Variants in KCNIP2 observed in about 807,000 individuals in gnomAD.
KCNIP2 encodes the protein A-type potassium channel modulatory protein KCNIP2.
A neutral mutation model predicts 39.0 loss-of-function variants in KCNIP2; 19 were observed. The observed-to-expected ratio is 0.49, with a 90% confidence interval of 0.34 to 0.71. KCNIP2 has a LOEUF of 0.71. Ranked by LOEUF, KCNIP2 falls within the 30% of genes least tolerant of loss-of-function variation. KCNIP2 has a pLI of 0.01. For missense variants in KCNIP2, 261 were observed against 346.0 expected, an observed-to-expected ratio of 0.75 and a Z score of 1.95; for synonymous variants, 111 against 131.2, an observed-to-expected ratio of 0.85 and a Z score of 1.05.
intron 1 of KCNIP2, among the ~76,000 whole-genome samples, chr10:101,834,891 G>A (rs2066104716): frequency 6.6e-6 from 1 of 152,254 alleles, no homozygotes. Context: ...CAGTATGGCA[G>A]TGCATATGTC....
At chr10:101,831,210 T>G in intron 1 of KCNIP2, 43 bp from the exon 2 acceptor site, 1 of 1,399,498 alleles carries the variant, frequency 7.1e-7, no homozygotes, top group East Asian at 2.5e-5. Flanking sequence ...TAACTCCCAT[T>G]GTCCCTCTGT....
intron 1 of KCNIP2, among the ~76,000 whole-genome samples, chr10:101,841,039 C>T (rs752915260): frequency 6.6e-6 from 1 of 152,256 alleles, no homozygotes; most frequent in Non-Finnish European, 1.5e-5. Context: ...CCCAGCGGCC[C>T]CGCCGGGCTG....
rs2065864272 is a variant in KCNIP2 at position 101,829,089 on chromosome 10, G to A, written c.334C>T (p.Arg112Trp). The part of the protein sequence containing the change: ...FTRKELQVLY[R>W]GFKNECPSGI... Reference sequence around the variant, plus strand: ...CTTGCACTCACGTTCTTGAAGCCCCGGTACAGGACCTGCAACTCCTTGCGC... The same window carrying A: ...CTTGCACTCACGTTCTTGAAGCCCCAGTACAGGACCTGCAACTCCTTGCGC... The change falls in exon 4 of 10, where the codon CGG becomes TGG. Residue 112 changes from arginine (R) to tryptophan (W), a missense_variant. Coordinates refer to ENST00000356640, the MANE Select transcript of KCNIP2 (RefSeq NM_173191.3). 2.5e-6 allele frequency: 4 copies of A among 1,613,996 alleles called. No individual in the cohort carries two copies. Among genetic ancestry groups the A allele is most frequent in the Non-Finnish European group, 3.4e-6 (4 of 1,179,946 alleles).
intron 2 of KCNIP2, 141 bp from the exon 3 acceptor site, chr10:101,830,038 G>C (rs746326473): frequency 7.4e-6 from 7 of 947,732 alleles, no homozygotes; most frequent in Middle Eastern, 2.1e-4. Flanking sequence ...ACACGAAACG[G>C]ACCCCATGCA....
intron 1 of KCNIP2, among the ~76,000 whole-genome samples, chr10:101,841,302 G>C (rs2066331150): frequency 6.6e-6 from 1 of 152,204 alleles, no homozygotes. Context: ...CTGCAGGGAA[G>C]GGGAGGCGAA....
At chr10:101,839,881 C>A in intron 1 of KCNIP2, 8 of 1,542,224 alleles carry the variant, frequency 5.2e-6, no homozygotes, top group Non-Finnish European at 7.0e-6. Flanking sequence ...CACCCCCAGG[C>A]CCCGGGGCGG....
At position 101,829,874 on chromosome 10, in the gene KCNIP2, G is replaced by A; in HGVS notation, c.193C>T (p.Arg65Cys). ...SETLAAPASL[R>C]PHRPRLLDPD... ...TCCAGCAGGCGGGGTCTGTGGGGGC[G>A]GAGGGAGGCTGGGGCGGCTAATGCT... Residue 65 changes from arginine to cysteine, a missense_variant, in exon 3 of 10, where the codon CGC becomes TGC. Arg to Cys is a radical substitution (Grantham distance 180). Coordinates refer to ENST00000356640, the MANE Select transcript of KCNIP2 (RefSeq NM_173191.3). 6.6e-7 allele frequency: 1 copy of A among 1,504,690 alleles called. No homozygotes were observed. The highest frequency in any genetic ancestry group is 1.5e-5 in the African/African-American group (1 of 68,834). 93.2% of individuals were successfully genotyped at this position (1,504,690 alleles called of 1,614,324 possible).
Position 101,843,643 on chromosome 10 carries a change from GC to G in KCNIP2, c.-76del. On this transcript the variant is annotated 5_prime_UTR_variant, in exon 1 of 10. Transcript: ENST00000356640. This position sits in a 1 kb window ranked among gnomAD's most constrained non-coding sequence, Gnocchi z 6.7. ...GGCCGGGATAGGGCGCTCACACGGC[GC>G]CCCCTGGCGGCCTACTGTGCTGTCG... The G allele has an allele frequency of 6.1e-6, 5 of 815,430 alleles. No individual in the cohort carries two copies. The highest frequency in any genetic ancestry group is 3.7e-5 in the Admixed American group (1 of 26,976). The allele number at this position is 815,430 out of a possible 1,614,324, so 50.5% of individuals were successfully genotyped here.
Position 101,826,399 on chromosome 10 carries a change from G to A in KCNIP2, c.*954C>T, listed in dbSNP as rs1217164210. The stretch of plus-strand genomic sequence containing the variant: ...TCCCTCCTTCCCTCTCCCTTCTAAG[G>A]CATCCACTGTGGGGAGTGATAGGCC... On this transcript the variant is annotated 3_prime_UTR_variant, in exon 10 of 10. Coordinates refer to ENST00000356640, the MANE Select transcript of KCNIP2 (RefSeq NM_173191.3). The A allele has an allele frequency of 1.3e-5, 2 of 152,674 alleles. No individual in the cohort carries two copies. The highest frequency in any genetic ancestry group is 2.9e-5 in the Non-Finnish European group (2 of 68,140). 9.5% of individuals were successfully genotyped at this position (152,674 alleles called of 1,614,324 possible). A position where few individuals can be genotyped will look rare whatever the true frequency, so the allele number is the denominator to read the frequency against.
In KCNIP2 at chr10:101,830,333, G is replaced by T. The variant is rs2065923479; in HGVS notation, c.170-436C>A. 6.0e-6 allele frequency: 7 copies of T among 1,167,090 alleles called. No individual in the cohort carries two copies. The South Asian group carries it at 7.5e-5, about 13-fold the overall frequency. The allele number at this position is 1,167,090 out of a possible 1,614,324, so 72.3% of individuals were successfully genotyped here. A position where few individuals can be genotyped will look rare whatever the true frequency, so the allele number is the denominator to read the frequency against. Reference sequence around the variant, plus strand: ...AGGGCAGGCGCCATCCTCTACACCTGTCACCATCCTGTCGGGGCATAGGCA... The same window carrying T: ...AGGGCAGGCGCCATCCTCTACACCTTTCACCATCCTGTCGGGGCATAGGCA... On this transcript the variant is annotated intron_variant, in intron 2 of 9. Transcript: ENST00000356640.
chr10:101,843,611 GC>G lies in KCNIP2; in HGVS notation c.-44del. Reference sequence around the variant, plus strand: ...TCCCGCCCGGGCCGTGGGAGGGGGCGCCGGGTGGCCGGGATAGGGCGCTCAC... The same window carrying G: ...TCCCGCCCGGGCCGTGGGAGGGGGCGCGGGTGGCCGGGATAGGGCGCTCAC... On this transcript the variant is annotated 5_prime_UTR_variant, in exon 1 of 10. Transcript: ENST00000356640. This position sits in a 1 kb window ranked among gnomAD's most constrained non-coding sequence, Gnocchi z 6.7. 1 of 1,224,100 alleles carries G rather than the reference GC, an allele frequency of 8.2e-7. No individual in the cohort carries two copies. The highest frequency in any genetic ancestry group is 1.1e-6 in the Non-Finnish European group (1 of 908,610). The allele number at this position is 1,224,100 out of a possible 1,614,324, so 75.8% of individuals were successfully genotyped here.
chr10:101,832,327 TGTGTGTG>T (rs1367620642), intron 1 of KCNIP2, among the ~76,000 whole-genome samples: 58 of 151,718 alleles, frequency 3.8e-4, no homozygotes, highest in Non-Finnish European at 6.9e-4. Context: ...TGTGTGTGTG[TGTGTGTG>T]TGTGTGTCTG....
At chr10:101,840,067 G>GT (rs1037596954) in intron 1 of KCNIP2, among the ~76,000 whole-genome samples, 1 of 151,766 alleles carries the variant, frequency 6.6e-6, no homozygotes, top group Non-Finnish European at 1.5e-5. Flanking sequence ...CGGGGGGGGG[G>GT]GGTGGCGGGG....
rs756060646 is a variant in KCNIP2, at chr10:101,827,319, C to T, written c.*34G>A. ...GCCTGGACTAGGGTTAGAGCATGGT[C>T]CCCCCAGGAAACACTGACCCCCTCT... On this transcript the variant is annotated 3_prime_UTR_variant, in exon 10 of 10. Coordinates refer to ENST00000356640, the MANE Select transcript of KCNIP2 (RefSeq NM_173191.3). 8 of 1,572,584 alleles carry T rather than the reference C, an allele frequency of 5.1e-6. No individual in the cohort carries two copies. Among genetic ancestry groups the T allele is most frequent in the Admixed American group, 3.5e-5 (2 of 56,588 alleles).
Position 101,828,891 on chromosome 10 carries a change from A to G in KCNIP2, c.348+184T>C. 6.5e-7 allele frequency: 1 copy of G among 1,537,398 alleles called. No homozygotes were observed. The highest frequency in any genetic ancestry group is 8.8e-7 in the Non-Finnish European group (1 of 1,140,116). On this transcript the variant is annotated intron_variant, in intron 4 of 9. Transcript: ENST00000356640. This position sits in a 1 kb window ranked among gnomAD's most constrained non-coding sequence, Gnocchi z 6.6. ...ATAAAAAACATGGAACGAAACTGAC[A>G]GTCTACAGGCGCCACTTCCGTTCTG...
chr10:101,829,399 C>A, intron 3 of KCNIP2, 200 bp from the exon 4 acceptor site: 1 of 662,256 alleles, frequency 1.5e-6, no homozygotes, highest in Non-Finnish European at 2.4e-6. Context: ...ATCAGCGGGC[C>A]AAGGCCTGGC....
At position 101,828,061 on chromosome 10, in the gene KCNIP2, G is replaced by C; in HGVS notation, c.598-68C>G. Reference sequence around the variant, plus strand: ...AGCCTCCCTTGATCCCTTGCTTGTGGGCATATGTGGGTCATATTTCCCTCC... The same window carrying C: ...AGCCTCCCTTGATCCCTTGCTTGTGCGCATATGTGGGTCATATTTCCCTCC... On this transcript the variant is annotated intron_variant, in intron 7 of 9. Coordinates refer to ENST00000356640, the MANE Select transcript of KCNIP2 (RefSeq NM_173191.3). This position sits in a 1 kb window ranked among gnomAD's most constrained non-coding sequence, Gnocchi z 6.6. 1.3e-6 allele frequency: 2 copies of C among 1,540,594 alleles called. No individual in the cohort carries two copies. Among genetic ancestry groups the C allele is most frequent in the Non-Finnish European group, 1.8e-6 (2 of 1,113,198 alleles).
At chr10:101,839,533 T>C (rs2066256510) in intron 1 of KCNIP2, among the ~76,000 whole-genome samples, 1 of 152,042 alleles carries the variant, frequency 6.6e-6, no homozygotes, top group African/African-American at 2.4e-5. Context: ...GCCCCTCTCC[T>C]TTCCTCTTTG....
In KCNIP2 at chr10:101,831,184, C is replaced by A; in HGVS notation, c.74-17G>T. 6.4e-7 allele frequency: 1 copy of A among 1,564,908 alleles called. No individual in the cohort carries two copies. The highest frequency in any genetic ancestry group is 8.7e-7 in the Non-Finnish European group (1 of 1,149,620). ...GAGGGTGGCCTGGGAAGAGAGAAGACCCCAGGAAGGCACATTAACTCCCAT... is the reference window on the plus strand; with the variant it reads ...GAGGGTGGCCTGGGAAGAGAGAAGAACCCAGGAAGGCACATTAACTCCCAT... On this transcript the variant is annotated splice_polypyrimidine_tract_variant and intron_variant, in intron 1 of 9. Coordinates refer to ENST00000356640, the MANE Select transcript of KCNIP2 (RefSeq NM_173191.3).
Sources: gnomAD v4.1 joint callset for allele counts (sites outside exome capture counted in the v4.1 genomes callset) on GRCh38, gnomAD v4.1.1 for gene constraint, Gnocchi (gnomAD v3.1) non-coding constraint, MANE v1.5 for transcripts, NCBI Gene and HGNC (gene_info 2026-07-23, HGNC 2026-07-21) for gene names.